Variants in RBMS1 observed in about 807,000 individuals in gnomAD.
RBMS1 encodes the protein RNA binding motif single stranded interacting protein 1.
RBMS1 carries 17 observed loss-of-function variants against 62.3 expected under a neutral mutation model. That is an observed-to-expected ratio of 0.27 (90% confidence interval 0.19 to 0.41). The LOEUF is 0.41. Ranked by LOEUF, RBMS1 falls within the 10% of genes least tolerant of loss-of-function variation. The pLI is 1.00. For missense variants in RBMS1, 334 were observed against 504.5 expected, an observed-to-expected ratio of 0.66 and a Z score of 3.24; for synonymous variants, 172 against 170.0, an observed-to-expected ratio of 1.01 and a Z score of -0.09.
At chr2:160,277,180 C>A (rs981623334) in intron 12 of RBMS1, 123 bp downstream of exon 12, 7 of 876,002 alleles carry the variant, frequency 8.0e-6, no homozygotes, top group Non-Finnish European at 1.2e-5. Context: ...CCCACCACAT[C>A]TGGCTAAACG....
intron 2 of RBMS1, among the ~76,000 whole-genome samples, chr2:160,332,391 T>C (rs1036246205): frequency 2.0e-5 from 3 of 152,174 alleles, no homozygotes; most frequent in African/African-American, 7.2e-5. Context: ...TGTAAAATCT[T>C]GTATGAATTG....
chr2:160,340,259 G>C (rs1021922939), intron 2 of RBMS1, among the ~76,000 whole-genome samples: 5 of 151,932 alleles, frequency 3.3e-5, no homozygotes, highest in Admixed American at 2.6e-4. Context: ...AGCCAGATGA[G>C]ACAATTATTT....
chr2:160,275,399 G>A (rs1020981220), intron 13 of RBMS1: 1 of 616,380 alleles, frequency 1.6e-6, no homozygotes, highest in Non-Finnish European at 2.2e-6. Flanking sequence ...CTTTTTAGTG[G>A]GGAGAGTATA....
intron 6 of RBMS1, among the ~76,000 whole-genome samples, chr2:160,295,770 G>T (rs757736841): frequency 3.3e-5 from 5 of 152,224 alleles, no homozygotes; most frequent in Non-Finnish European, 7.3e-5. Flanking sequence ...GACACCCTGA[G>T]ATCTACTGTA....
intron 1 of RBMS1, among the ~76,000 whole-genome samples, chr2:160,374,966 A>G (rs969146802): frequency 2.6e-5 from 4 of 152,060 alleles, no homozygotes; most frequent in African/African-American, 9.7e-5. Flanking sequence ...ATTGAACGGA[A>G]AAGTTAGAAT....
At chr2:160,338,079 T>C (rs994867965) in intron 2 of RBMS1, among the ~76,000 whole-genome samples, 6 of 152,168 alleles carry the variant, frequency 3.9e-5, no homozygotes, top group Non-Finnish European at 5.9e-5. Flanking sequence ...GGTTACAGAT[T>C]TCCTCTGGAC....
intron 2 of RBMS1, among the ~76,000 whole-genome samples, chr2:160,324,905 T>TAC (rs1479224727): frequency 0.032 from 3,746 of 118,326 alleles, 64 homozygotes; most frequent in African/African-American, 0.071. Flanking sequence ...TATATATATA[T>TAC]ATACACACAC....
At chr2:160,469,885 GC>G (rs1234251504) in intron 1 of RBMS1, among the ~76,000 whole-genome samples, 1 of 152,216 alleles carries the variant, frequency 6.6e-6, no homozygotes, top group Non-Finnish European at 1.5e-5. Context: ...TCAGGGAGGG[GC>G]TAGAAATTTC....
intron 1 of RBMS1, among the ~76,000 whole-genome samples, chr2:160,421,505 C>T (rs1574037219): frequency 6.6e-6 from 1 of 152,188 alleles, no homozygotes; most frequent in Admixed American, 6.5e-5. Context: ...GCATAGTATT[C>T]CATGGTATAT....
At chr2:160,389,928 T>C (rs760906915) in intron 1 of RBMS1, among the ~76,000 whole-genome samples, 26 of 151,894 alleles carry the variant, frequency 1.7e-4, no homozygotes, top group Non-Finnish European at 3.7e-4. Flanking sequence ...TAATAAAACA[T>C]ATGTACATCT....
chr2:160,313,107 C>T, intron 4 of RBMS1, 49 bp downstream of exon 4: 1 of 1,575,736 alleles, frequency 6.3e-7, no homozygotes. Context: ...TGTCGGGCTT[C>T]ACAACCAAAG....
rs1262002701 is a variant in RBMS1 at position 160,300,640 on chromosome 2, A to G, written c.640+11T>C. On this transcript the variant is annotated intron_variant, in intron 6 of 13. Coordinates refer to ENST00000348849, the MANE Select transcript of RBMS1 (RefSeq NM_016836.4). The stretch of plus-strand genomic sequence containing the variant: ...GAAGACTACTGATGAAGTTTCAGAC[A>G]AACAACATACCAGAAACTCCTGGTG... The G allele has an allele frequency of 6.3e-7, 1 of 1,586,274 alleles. No homozygotes were observed. Among genetic ancestry groups the G allele is most frequent in the Non-Finnish European group, 8.5e-7 (1 of 1,169,596 alleles).
intron 1 of RBMS1, among the ~76,000 whole-genome samples, chr2:160,475,793 C>G (rs935104679): frequency 2.0e-5 from 3 of 151,598 alleles, no homozygotes; most frequent in African/African-American, 7.3e-5. Flanking sequence ...AATTGCTTTT[C>G]AATTAATAAT....
rs932659799 is a variant in RBMS1 at position 160,288,039 on chromosome 2, A to G, written c.641-955T>C. Reference sequence around the variant, plus strand: ...ATATTTTCAAAGATATATACTCATTAGAGTTAAAAAAAAAAAAAAGTCTAC... The same window carrying G: ...ATATTTTCAAAGATATATACTCATTGGAGTTAAAAAAAAAAAAAAGTCTAC... On this transcript the variant is annotated intron_variant, in intron 6 of 13. Coordinates refer to ENST00000348849, the MANE Select transcript of RBMS1 (RefSeq NM_016836.4). Among the ~76,000 whole-genome samples, 375 of 110,128 alleles carry G rather than the reference A, an allele frequency of 3.4e-3. 3 individuals carry two copies. Among genetic ancestry groups the G allele is most frequent in the African/African-American group, 0.011 (356 of 33,874 alleles). 72.2% of individuals were successfully genotyped at this position (110,128 alleles called of 152,430 possible).
intron 6 of RBMS1, among the ~76,000 whole-genome samples, chr2:160,289,877 T>C (rs916667928): frequency 6.6e-6 from 1 of 151,498 alleles, no homozygotes; most frequent in East Asian, 2.0e-4. Context: ...CCATGTGCCC[T>C]AGGAAAGCAA....
chr2:160,318,393 T>C (rs1690356697), intron 2 of RBMS1, among the ~76,000 whole-genome samples, 166 bp from the exon 3 acceptor site: 1 of 152,184 alleles, frequency 6.6e-6, no homozygotes, highest in African/African-American at 2.4e-5. Context: ...ATGAGAATTC[T>C]GAACTCAAAA....
chr2:160,291,804 C>T (rs1688692535), intron 6 of RBMS1, among the ~76,000 whole-genome samples: 1 of 152,210 alleles, frequency 6.6e-6, no homozygotes, highest in Admixed American at 6.5e-5. Context: ...CCCAACCCAT[C>T]AACTAAGAGT....
At chr2:160,449,056 G>A (rs1373219070) in intron 1 of RBMS1, among the ~76,000 whole-genome samples, 6 of 150,210 alleles carry the variant, frequency 4.0e-5, no homozygotes, top group South Asian at 2.1e-4. Flanking sequence ...CCCTCCGCCC[G>A]GCAGCTGCCC....
At chr2:160,306,026 G>T (rs1689493260) in intron 4 of RBMS1, among the ~76,000 whole-genome samples, 1 of 152,130 alleles carries the variant, frequency 6.6e-6, no homozygotes, top group Non-Finnish European at 1.5e-5. Flanking sequence ...CTATTTGGGA[G>T]GCTGAGGCAG....
Sources: gnomAD v4.1 joint callset for allele counts (sites outside exome capture counted in the v4.1 genomes callset) on GRCh38, gnomAD v4.1.1 for gene constraint, MANE v1.5 for transcripts, NCBI Gene and HGNC (gene_info 2026-07-23, HGNC 2026-07-21) for gene names.